COL4A6: variants seen among roughly 807,000 people sequenced by gnomAD.
The protein encoded by COL4A6 is collagen type IV alpha 6 chain.
COL4A6 carries 59 observed loss-of-function variants against 126.7 expected under a neutral mutation model. The ratio of observed to expected loss-of-function variants is 0.47; its 90% CI spans 0.38 to 0.58. The LOEUF is 0.58. COL4A6 is among the 20% of genes least tolerant of loss of function. The probability of loss-of-function intolerance (pLI) is 0.00; values close to 1 mark genes in which losing one functional copy is unlikely to be tolerated. For synonymous variants in COL4A6, 547 were observed against 496.6 expected (o/e 1.10, Z -1.35); for missense variants, 1,285 against 1,337.3 (o/e 0.96, Z 0.61).
chrX:108,283,471 G>A (rs1185263187), intron 3 of COL4A6, among the ~76,000 whole-genome samples: 2 of 111,680 alleles, frequency 1.8e-5, no homozygotes, highest in Non-Finnish European at 1.9e-5. Flanking sequence ...ACTTCTAAGT[G>A]TTCAGTAAGT....
At chrX:108,262,040 G>A (rs2037175627) in intron 3 of COL4A6, among the ~76,000 whole-genome samples, 2 of 111,843 alleles carry the variant, frequency 1.8e-5, no homozygotes, top group Non-Finnish European at 3.8e-5. Flanking sequence ...ATCAGCAAGG[G>A]ATTTGTTGGG....
chrX:108,253,528 T>TA (rs2036909900), intron 3 of COL4A6, among the ~76,000 whole-genome samples: 1 of 112,289 alleles, frequency 8.9e-6, no homozygotes, highest in Non-Finnish European at 1.9e-5. Context: ...TATCACCATG[T>TA]AATGAGCTGC....
chrX:108,179,134 A>C, intron 26 of COL4A6, 83 bp downstream of exon 26: 4 of 904,260 alleles, frequency 4.4e-6, no homozygotes, highest in Non-Finnish European at 6.3e-6. Flanking sequence ...ATCACCCCAG[A>C]TTCATGCAAG....
intron 2 of COL4A6, among the ~76,000 whole-genome samples, chrX:108,360,113 C>T (rs1248418641): frequency 8.9e-6 from 1 of 112,053 alleles, no homozygotes; most frequent in South Asian, 3.8e-4. Context: ...ATCCGAAACT[C>T]CAGGGATCTA....
rs780504274 is a variant in COL4A6, at chrX:108,187,224, T to C, written c.1823A>G (p.Glu608Gly). Residue 608 changes from glutamate (E) to glycine (G), a missense_variant, in exon 23 of 45, where the codon GAA (glutamate) becomes GGA (glycine). Coordinates refer to ENST00000334504, the MANE Select transcript of COL4A6 (RefSeq NM_033641.4). ...GCCAGGTGGACCAGGATGGCCTTTT[T>C]CACCAGGAAGTCCAGGTAACCCCTT... ...GEKGLPGLPG[E>G]KGHPGPPGLP... 1.7e-6 allele frequency: 2 copies of C among 1,191,747 alleles called. No homozygotes were observed. The highest frequency in any genetic ancestry group is 1.9e-5 in the South Asian group (1 of 53,619).
chrX:108,316,388 T>C (rs2147926717), intron 2 of COL4A6, among the ~76,000 whole-genome samples: 1 of 112,092 alleles, frequency 8.9e-6, no homozygotes, highest in East Asian at 2.8e-4. Flanking sequence ...AGTAAATGAA[T>C]ATTACATACA....
In COL4A6 at chrX:108,169,587, C is replaced by A. The variant is rs1389074298; in HGVS notation, c.3599G>T (p.Gly1200Val). ...TTTTTCTCCTTTGGGTCCAGGGAGACCAGCAGGCCCAGGCACACCGGTGAT... is the reference window on the plus strand; with the variant it reads ...TTTTTCTCCTTTGGGTCCAGGGAGAACAGCAGGCCCAGGCACACCGGTGAT... ...PSITGVPGPA[G>V]LPGPKGEKGY... The change falls in exon 37 of 45, where the codon GGT (glycine) becomes GTT (valine). Residue 1200 changes from glycine (G) to valine (V), a missense_variant. Transcript: ENST00000334504. 8.3e-7 allele frequency: 1 copy of A among 1,210,827 alleles called. No homozygotes were observed. The highest frequency in any genetic ancestry group is 2.2e-5 in the Admixed American group (1 of 45,962).
intron 2 of COL4A6, among the ~76,000 whole-genome samples, chrX:108,343,422 GT>G (rs1215712868): frequency 1.8e-5 from 2 of 110,091 alleles, no homozygotes; most frequent in Non-Finnish European, 3.8e-5. Context: ...TGGATGGAAT[GT>G]TTAATTACAG....
rs1167778182 is a variant in COL4A6, at chrX:108,159,588, C to T, written c.4686G>A (p.Gln1562=). Residue 1562 remains glutamine, a synonymous_variant, in exon 44 of 45, where the codon CAG becomes CAA. Coordinates refer to ENST00000334504, the MANE Select transcript of COL4A6 (RefSeq NM_033641.4). ...CACACACAGAGCAGCGGCTGATGTA[C>T]TGGGGAATCTGGGTCTGGCTGACGG... ...MMPVSQTQIP[Q]YISRCSVCEA... is the part of the protein sequence containing the mutation. The T allele has an allele frequency of 5.0e-6, 6 of 1,210,820 alleles. No homozygotes were observed. Among genetic ancestry groups the T allele is most frequent in the Admixed American group, 4.4e-5 (2 of 45,917 alleles).
chrX:108,182,532 T>C (rs757714520), intron 23 of COL4A6, among the ~76,000 whole-genome samples: 1 of 112,418 alleles, frequency 8.9e-6, no homozygotes, highest in Non-Finnish European at 1.9e-5. Flanking sequence ...GACAGAGCTA[T>C]TTCTGATAGT....
chrX:108,300,593 A>AT (rs1293344324), intron 3 of COL4A6, among the ~76,000 whole-genome samples: 1 of 110,988 alleles, frequency 9.0e-6, no homozygotes, highest in Non-Finnish European at 1.9e-5. Flanking sequence ...CTAAAGAAAT[A>AT]TTTTTTGTCA....
intron 2 of COL4A6, among the ~76,000 whole-genome samples, chrX:108,347,145 G>A (rs771468016): frequency 5.3e-5 from 6 of 112,269 alleles, no homozygotes; most frequent in African/African-American, 1.6e-4. Context: ...GGGCATGCAA[G>A]GTGAGAACCA....
chrX:108,359,330 ACT>A (rs1305668120), intron 2 of COL4A6, among the ~76,000 whole-genome samples: 1 of 112,204 alleles, frequency 8.9e-6, no homozygotes, highest in East Asian at 2.8e-4. Flanking sequence ...GGGAGCTAAG[ACT>A]CTAATCCAGA....
chrX:108,219,043 G>A (rs2035938831), intron 5 of COL4A6, among the ~76,000 whole-genome samples: 1 of 112,208 alleles, frequency 8.9e-6, no homozygotes, highest in South Asian at 3.7e-4. Flanking sequence ...CACCAGTGGT[G>A]GGATAGGCAC....
intron 23 of COL4A6, among the ~76,000 whole-genome samples, chrX:108,184,133 G>C (rs776695592): frequency 1.8e-5 from 2 of 112,307 alleles, no homozygotes; most frequent in East Asian, 5.6e-4. Flanking sequence ...GGCACATTCA[G>C]GAATAGCATC....
At chrX:108,157,910 C>T (rs982439582) in intron 44 of COL4A6, among the ~76,000 whole-genome samples, 15 of 111,760 alleles carry the variant, frequency 1.3e-4, no homozygotes, top group Admixed American at 1.0e-3. Flanking sequence ...TCACTTTAGC[C>T]GGGCTATCAT....
Position 108,399,539 on chromosome X carries a change from C to T in COL4A6, c.63+38403G>A, listed in dbSNP as rs987991098. On this transcript the variant is annotated intron_variant, in intron 2 of 44. Transcript: ENST00000334504. ...TCCTATTTGGGTCAGGAACATGCCT[C>T]CAAGTTTTTAGTTGGATTGTTTCCA... Among the ~76,000 whole-genome samples the T allele has an allele frequency of 2.7e-5, 3 of 111,064 alleles. No individual in the cohort carries two copies. In the South Asian group the frequency reaches 1.1e-3, roughly 42 times the overall value.
In COL4A6 at chrX:108,194,206, A is replaced by G. The variant is rs760363772; in HGVS notation, c.1002+328T>C. On this transcript the variant is annotated intron_variant, in intron 16 of 44. Coordinates refer to ENST00000334504, the MANE Select transcript of COL4A6 (RefSeq NM_033641.4). Reference sequence around the variant, plus strand: ...GCAGTTATATGCTCCAGGTGTAGGCAAAAAGGGGATGCATTGTCTGTAGAG... The same window carrying G: ...GCAGTTATATGCTCCAGGTGTAGGCGAAAAGGGGATGCATTGTCTGTAGAG... Among the ~76,000 whole-genome samples, 3 of 112,162 alleles carry G rather than the reference A, an allele frequency of 2.7e-5. No individual in the cohort carries two copies. In the South Asian group the frequency reaches 1.1e-3, roughly 42 times the overall value.
chrX:108,325,404 T>C (rs1411358748), intron 2 of COL4A6, among the ~76,000 whole-genome samples: 1 of 111,845 alleles, frequency 8.9e-6, no homozygotes, highest in Non-Finnish European at 1.9e-5. Flanking sequence ...CAAATCTCAC[T>C]GAAGAAGAAG....
Sources: gnomAD v4.1 joint callset for allele counts (sites outside exome capture counted in the v4.1 genomes callset) on GRCh38, gnomAD v4.1.1 for gene constraint, MANE v1.5 for transcripts, NCBI Gene and HGNC (gene_info 2026-07-23, HGNC 2026-07-21) for gene names.